Variants in SEMA5B observed in about 807,000 individuals in gnomAD.
SEMA5B encodes semaphorin-5B.
Under a neutral mutation model 135.0 loss-of-function variants are expected in SEMA5B, and 66 were observed. The observed-to-expected ratio is 0.49, with a 90% confidence interval of 0.40 to 0.60. The LOEUF (loss-of-function observed/expected upper bound fraction) is 0.60, where lower values mean the gene tolerates loss of function less well. SEMA5B is among the 20% of genes least tolerant of loss of function. The pLI, the probability that SEMA5B is intolerant of heterozygous loss-of-function variation, is 0.00. For missense variants in SEMA5B, 1,501 were observed against 1,566.3 expected, an observed-to-expected ratio of 0.96 and a Z score of 0.70; for synonymous variants, 690 against 639.5, an observed-to-expected ratio of 1.08 and a Z score of -1.19.
chr3:122,956,525 C>A (rs1940314945), intron 2 of SEMA5B, among the ~76,000 whole-genome samples: 1 of 152,162 alleles, frequency 6.6e-6, no homozygotes, highest in South Asian at 2.1e-4. Flanking sequence ...AATCAAGAGG[C>A]CTGCAGCTAC....
At chr3:122,969,882 G>A (rs1941038127) in intron 1 of SEMA5B, among the ~76,000 whole-genome samples, 1 of 152,200 alleles carries the variant, frequency 6.6e-6, no homozygotes, top group East Asian at 1.9e-4. Context: ...GAATGTGGGT[G>A]TGTGTTATGT....
intron 14 of SEMA5B, 47 bp from the exon 15 acceptor site, chr3:122,914,048 G>T (rs371731386): frequency 1.5e-4 from 227 of 1,518,448 alleles, no homozygotes; most frequent in Non-Finnish European, 1.8e-4. Context: ...CTGAGCCCTA[G>T]CTTCTTAGAT....
At chr3:122,998,291 G>C (rs1434336010) in intron 1 of SEMA5B, among the ~76,000 whole-genome samples, 1 of 152,164 alleles carries the variant, frequency 6.6e-6, no homozygotes, top group African/African-American at 2.4e-5. Flanking sequence ...AGCCCGCAGA[G>C]GTTGGCCCTC....
intron 1 of SEMA5B, among the ~76,000 whole-genome samples, chr3:122,998,308 G>T (rs1045243673): frequency 6.6e-6 from 1 of 152,110 alleles, no homozygotes; most frequent in African/African-American, 2.4e-5. Flanking sequence ...CCTCAGACTG[G>T]AGGAGCTAGT....
intron 1 of SEMA5B, among the ~76,000 whole-genome samples, chr3:123,005,581 T>C (rs1444960921): frequency 2.6e-5 from 4 of 152,140 alleles, no homozygotes; most frequent in Admixed American, 6.5e-5. Context: ...CCAGGCTTCA[T>C]TGCATATTTA....
rs1017174449 is a variant in SEMA5B, at chr3:122,947,837, C to T, written c.328+669G>A. 1.2e-4 allele frequency among the ~76,000 whole-genome samples: 18 copies of T among 152,252 alleles called. No homozygotes were observed. In the South Asian group the frequency reaches 1.5e-3, roughly 12 times the overall value. On this transcript the variant is annotated intron_variant, in intron 3 of 22. Coordinates refer to ENST00000357599, the MANE Select transcript of SEMA5B (RefSeq NM_001031702.4). ...AAGTACTAATGTGACTGTAACACAA[C>T]CATGACCCCCCCCAAACTGTGTAAC...
intron 1 of SEMA5B, among the ~76,000 whole-genome samples, chr3:123,025,534 C>T (rs1325180153): frequency 6.6e-6 from 1 of 152,188 alleles, no homozygotes; most frequent in Non-Finnish European, 1.5e-5. Flanking sequence ...TGATTATGGT[C>T]GCTACTGTTG....
chr3:123,023,602 GA>G (rs1221505947), intron 1 of SEMA5B, among the ~76,000 whole-genome samples: 19 of 152,132 alleles, frequency 1.2e-4, no homozygotes, highest in African/African-American at 4.1e-4. Context: ...TTGGAACTAG[GA>G]AACAGCTAAG....
At chr3:123,009,511 ATG>A (rs142277324) in intron 1 of SEMA5B, among the ~76,000 whole-genome samples, 9,893 of 150,924 alleles carry the variant, frequency 0.066, 393 homozygotes, top group East Asian at 0.16. Flanking sequence ...GTTCACATGT[ATG>A]TGTGTGTGTG....
rs979902299 is a variant in SEMA5B at position 122,913,193 on chromosome 3, G to C, written c.2506+6C>G. 2 of 1,557,844 alleles carry C rather than the reference G, an allele frequency of 1.3e-6. No individual in the cohort carries two copies. The highest frequency in any genetic ancestry group is 2.8e-5 in the African/African-American group (2 of 71,938). On this transcript the variant is annotated splice_donor_region_variant and intron_variant, in intron 17 of 22. Coordinates refer to ENST00000357599, the MANE Select transcript of SEMA5B (RefSeq NM_001031702.4). ...GAGGAAGGAGGGGGCGCCGGGCGCG[G>C]GGTACCGTCGGTGTCGCAGGAGCCG...
chr3:123,023,999 C>A (rs1942747884), intron 1 of SEMA5B, among the ~76,000 whole-genome samples: 1 of 152,192 alleles, frequency 6.6e-6, no homozygotes, highest in Admixed American at 6.5e-5. Flanking sequence ...TGGTGGGGCA[C>A]CAGAACTCAG....
chr3:122,929,320 C>G (rs146257106), intron 5 of SEMA5B, among the ~76,000 whole-genome samples: 34 of 152,314 alleles, frequency 2.2e-4, no homozygotes, highest in Non-Finnish European at 4.0e-4. Flanking sequence ...CCTGGAGGAA[C>G]AGCTTCTGAA....
At chr3:123,003,554 G>T (rs1942234005) in intron 1 of SEMA5B, among the ~76,000 whole-genome samples, 1 of 152,162 alleles carries the variant, frequency 6.6e-6, no homozygotes, top group Admixed American at 6.5e-5. Flanking sequence ...CTTGAAGGTG[G>T]CCAGGTGCGG....
chr3:122,922,342 G>A lies in SEMA5B; in HGVS notation c.1378C>T (p.Pro460Ser), dbSNP rs760511289. 4 of 1,613,716 alleles carry A rather than the reference G, an allele frequency of 2.5e-6. No individual in the cohort carries two copies. Among genetic ancestry groups the A allele is most frequent in the Admixed American group, 1.7e-5 (1 of 59,968 alleles). ...LMSEAVQPVT[P>S]EPCVTQDSVR... ...CTGTCCTGGGTGACACAGGGCTCGGGTGTCACCGGCTGCACGGCCTCGCTC... is the reference window on the plus strand; with the variant it reads ...CTGTCCTGGGTGACACAGGGCTCGGATGTCACCGGCTGCACGGCCTCGCTC... Residue 460 changes from proline to serine, a missense_variant, in exon 11 of 23, where the codon CCC becomes TCC. Physicochemically the swap from Pro to Ser is moderately conservative, Grantham distance 74 (BLOSUM62 -1). Around this residue, in one of 2 missense-constraint regions of SEMA5B, gnomAD observed 574 missense variants for 684.7 expected, o/e 0.84. Transcript: ENST00000357599.
At chr3:122,976,216 A>T (rs1353792031) in intron 1 of SEMA5B, 16 of 1,442,968 alleles carry the variant, frequency 1.1e-5, no homozygotes, top group Non-Finnish European at 1.5e-5. Flanking sequence ...GACCAGCAGC[A>T]TCTGCACCTC....
At chr3:122,966,562 TATTA>T (rs745905662) in intron 1 of SEMA5B, among the ~76,000 whole-genome samples, 2,156 of 143,594 alleles carry the variant, frequency 0.015, 92 homozygotes, top group African/African-American at 0.058. Flanking sequence ...TTATTATTAT[TATTA>T]TTTTTTGAGA....
intron 1 of SEMA5B, among the ~76,000 whole-genome samples, chr3:123,011,654 A>C (rs1942440301): frequency 6.6e-6 from 1 of 152,198 alleles, no homozygotes; most frequent in Non-Finnish European, 1.5e-5. Flanking sequence ...CTGGGAGCTC[A>C]GAAAGTGAGC....
intron 1 of SEMA5B, among the ~76,000 whole-genome samples, chr3:122,968,206 G>T (rs1397426662): frequency 6.6e-6 from 1 of 152,224 alleles, no homozygotes; most frequent in Non-Finnish European, 1.5e-5. Flanking sequence ...TGTAAAAAGG[G>T]CCTTGGGAGG....
intron 21 of SEMA5B, 185 bp downstream of exon 21, chr3:122,911,306 T>G (rs1028066558): frequency 1.3e-6 from 2 of 1,490,890 alleles, no homozygotes; most frequent in Non-Finnish European, 1.8e-6. Context: ...AGACTGATGA[T>G]GGCCTCCTAG....
Sources: allele counts gnomAD v4.1 joint callset (sites outside exome capture counted in the v4.1 genomes callset), GRCh38; gene constraint gnomAD v4.1.1; regional missense constraint gnomAD v4.1.1; transcripts MANE v1.5; gene names NCBI Gene and HGNC (gene_info 2026-07-23, HGNC 2026-07-21).